Variants in ZNF705G observed in about 807,000 individuals in gnomAD.
ZNF705G encodes the protein putative zinc finger protein 705G.
Under a neutral mutation model 19.6 loss-of-function variants are expected in ZNF705G, and 23 were observed. The observed-to-expected ratio is 1.17, with a 90% CI of 0.84 to 1.66. The LOEUF (loss-of-function observed/expected upper bound fraction) is 1.66. ZNF705G is among the 40% of genes most tolerant of loss of function. The pLI is 0.00. For missense variants in ZNF705G, 457 were observed against 354.4 expected (o/e 1.29, Z -2.32); for synonymous variants, 146 against 117.7 (o/e 1.24, Z -1.56).
At chr8:7,369,927 C>T (rs1244728555) in intron 2 of ZNF705G, among the ~76,000 whole-genome samples, 1 of 149,208 alleles carries the variant, frequency 6.7e-6, no homozygotes, top group Non-Finnish European at 1.5e-5. Context: ...GAAAAACTAT[C>T]TATTGGGTAT....
In ZNF705G at chr8:7,359,657, G is replaced by C; in HGVS notation, c.280C>G (p.Pro94Ala). ...LKKTHMISMHPITRKDASTSM... is the reference protein window; with the variant it reads ...LKKTHMISMHAITRKDASTSM... ...GTGGATGCGTCTTTTCTGGTGATAG[G>C]ATGCATGGATATCATGTGTGTTTTC... Residue 94 changes from proline (P) to alanine (A), a missense_variant, in exon 6 of 7, where the codon CCT (proline) becomes GCT (alanine). Pro to Ala is a conservative substitution (Grantham distance 27). Transcript: ENST00000400156. 1 of 1,606,836 alleles carries C rather than the reference G, an allele frequency of 6.2e-7. No homozygotes were observed. Among genetic ancestry groups the C allele is most frequent in the Non-Finnish European group, 8.5e-7 (1 of 1,179,312 alleles).
chr8:7,365,804 T>C lies in ZNF705G; in HGVS notation c.-71-2787A>G, dbSNP rs1411828726. ...CCTTTCACGGCTATTTAGACACAAC[T>C]TAGTGAAGTATTAGGAATGCATTAT... is the stretch of plus-strand genomic sequence containing the variant. On this transcript the variant is annotated intron_variant, in intron 2 of 6. Transcript: ENST00000400156. Among the ~76,000 whole-genome samples the C allele has an allele frequency of 1.3e-5, 2 of 149,578 alleles. 1 individual carries two copies. The highest frequency in any genetic ancestry group is 5.1e-5 in the African/African-American group (2 of 38,960).
intron 2 of ZNF705G, among the ~76,000 whole-genome samples, chr8:7,370,886 A>G (rs1807071622): frequency 8.5e-6 from 1 of 117,376 alleles, no homozygotes; most frequent in Non-Finnish European, 1.7e-5. Context: ...TGCAGCCATA[A>G]AAAGGAATGA....
Position 7,360,707 on chromosome 8 carries a change from T to C in ZNF705G, c.140-375A>G, listed in dbSNP as rs570745119. ...AAAAACATTCGATTTACAAAAATAA[T>C]TGGTGTTCTATATGGAAAAGATATT... On this transcript the variant is annotated intron_variant, in intron 4 of 6. Coordinates refer to ENST00000400156, the MANE Select transcript of ZNF705G (RefSeq NM_001164457.3). Among the ~76,000 whole-genome samples the C allele has an allele frequency of 4.5e-4, 68 of 149,756 alleles. 8 individuals are homozygous for C. The highest frequency in any genetic ancestry group is 1.7e-3 in the African/African-American group (66 of 39,158).
intron 2 of ZNF705G, among the ~76,000 whole-genome samples, chr8:7,365,880 G>C (rs1391120417): frequency 6.7e-6 from 1 of 149,520 alleles, no homozygotes; most frequent in African/African-American, 2.6e-5. Context: ...CAGATCTTCA[G>C]TAAAAATAAC....
rs1370410787 is a variant in ZNF705G, at chr8:7,374,733, G to A, written c.-72+6719C>T. ...AGCCTTAGTGCTGTCCCTATCATCT[G>A]CTTCACTCGATCACTGGGTAATCTT... On this transcript the variant is annotated intron_variant, in intron 2 of 6. Coordinates refer to ENST00000400156, the MANE Select transcript of ZNF705G (RefSeq NM_001164457.3). Among the ~76,000 whole-genome samples, 9 of 88,020 alleles carry A rather than the reference G, an allele frequency of 1.0e-4. 2 individuals are homozygous for A. Among genetic ancestry groups the A allele is most frequent in the Non-Finnish European group, 2.0e-4 (9 of 46,004 alleles). 57.7% of individuals were successfully genotyped at this position (88,020 alleles called of 152,430 possible).
intron 2 of ZNF705G, among the ~76,000 whole-genome samples, chr8:7,365,797 A>G (rs1244110859): frequency 6.7e-6 from 1 of 149,626 alleles, no homozygotes; most frequent in African/African-American, 2.6e-5. Context: ...GGCTATTTAG[A>G]CACAACTTAG....
intron 1 of ZNF705G, among the ~76,000 whole-genome samples, chr8:7,384,282 C>T (rs1351160364): frequency 2.6e-4 from 38 of 144,218 alleles, no homozygotes; most frequent in Non-Finnish European, 2.9e-5. Flanking sequence ...CAACCTCCTA[C>T]TGTTTGTCTC....
At chr8:7,366,967 T>G (rs1806885512) in intron 2 of ZNF705G, among the ~76,000 whole-genome samples, 1 of 149,662 alleles carries the variant, frequency 6.7e-6, no homozygotes, top group Admixed American at 6.6e-5. Flanking sequence ...TTTAGTTATT[T>G]AATTATAATT....
At chr8:7,369,544 G>C (rs1296368512) in intron 2 of ZNF705G, among the ~76,000 whole-genome samples, 4 of 149,512 alleles carry the variant, frequency 2.7e-5, no homozygotes, top group Admixed American at 2.6e-4. Context: ...CATGGGGACT[G>C]ACCCTTGTAT....
At chr8:7,364,236 CAG>C (rs1424941153) in intron 2 of ZNF705G, among the ~76,000 whole-genome samples, 1 of 149,218 alleles carries the variant, frequency 6.7e-6, no homozygotes, top group Non-Finnish European at 1.5e-5. Flanking sequence ...GTGTTTGAGA[CAG>C]GGGGAAACAT....
chr8:7,365,831 A>T (rs1191811181), intron 2 of ZNF705G, among the ~76,000 whole-genome samples: 5 of 149,644 alleles, frequency 3.3e-5, no homozygotes, highest in Non-Finnish European at 7.4e-5. Flanking sequence ...ATGCATTATT[A>T]GGTCTTAAGT....
intron 2 of ZNF705G, among the ~76,000 whole-genome samples, chr8:7,368,149 A>G (rs950255229): frequency 1.3e-5 from 2 of 149,516 alleles, no homozygotes; most frequent in African/African-American, 5.1e-5. Flanking sequence ...ACATGCCCTG[A>G]TTGCACAGAC....
intron 4 of ZNF705G, 116 bp downstream of exon 4, chr8:7,360,994 T>A (rs1397865556): frequency 2.8e-5 from 44 of 1,566,440 alleles, no homozygotes; most frequent in Non-Finnish European, 3.5e-5. Context: ...TCAGATGAGA[T>A]CTGTGAGAGA....
In ZNF705G at chr8:7,374,843, C is replaced by CT. The variant is rs1483336150; in HGVS notation, c.-72+6608dup. 1.4e-4 allele frequency among the ~76,000 whole-genome samples: 12 copies of CT among 87,442 alleles called. 5 individuals carry two copies. The highest frequency in any genetic ancestry group is 2.6e-4 in the Non-Finnish European group (12 of 45,740). 57.4% of individuals were successfully genotyped at this position (87,442 alleles called of 152,430 possible). A position where few individuals can be genotyped will look rare whatever the true frequency, so the allele number is the denominator to read the frequency against. The stretch of plus-strand genomic sequence containing the variant: ...AAGACAGCCTATGTTCATTGTAACT[C>CT]TATCTTTTGTTCCTAAAGCAAATGG... On this transcript the variant is annotated intron_variant, in intron 2 of 6. Coordinates refer to ENST00000400156, the MANE Select transcript of ZNF705G (RefSeq NM_001164457.3).
At chr8:7,383,617 C>T (rs1358575648) in intron 1 of ZNF705G, among the ~76,000 whole-genome samples, 5 of 147,346 alleles carry the variant, frequency 3.4e-5, no homozygotes, top group Non-Finnish European at 7.4e-5. Flanking sequence ...TGTTGAAATG[C>T]CAACCCCCAA....
intron 1 of ZNF705G, among the ~76,000 whole-genome samples, chr8:7,382,943 C>T (rs1241332610): frequency 1.4e-5 from 2 of 147,514 alleles, no homozygotes; most frequent in African/African-American, 5.4e-5. Context: ...AGCCCTGCGG[C>T]CTTCTGAGTC....
rs1433388294 is a variant in ZNF705G, at chr8:7,371,255, T to C, written c.-71-8238A>G. ...TATGATTTCACTTGTATTTGAAATC[T>C]AAAATCGACAAACTCACAAAAGCAG... On this transcript the variant is annotated intron_variant, in intron 2 of 6. Transcript: ENST00000400156. Among the ~76,000 whole-genome samples, 45 of 102,954 alleles carry C rather than the reference T, an allele frequency of 4.4e-4. 2 individuals are homozygous for C. In the East Asian group the frequency reaches 5.6e-3, roughly 13 times the overall value. 67.5% of individuals were successfully genotyped at this position (102,954 alleles called of 152,430 possible). A position where few individuals can be genotyped will look rare whatever the true frequency, so the allele number is the denominator to read the frequency against.
In ZNF705G at chr8:7,379,442, G is replaced by A. The variant is rs374785947; in HGVS notation, c.-72+2010C>T. On this transcript the variant is annotated intron_variant, in intron 2 of 6. Transcript: ENST00000400156. Reference sequence around the variant, plus strand: ...TATTATCCTCTCATTGCTAGGAGGCGGTCTTCAAGATGGCTGACTAGAGGT... The same window carrying A: ...TATTATCCTCTCATTGCTAGGAGGCAGTCTTCAAGATGGCTGACTAGAGGT... Among the ~76,000 whole-genome samples, 29 of 147,236 alleles carry A rather than the reference G, an allele frequency of 2.0e-4. 5 individuals carry two copies. Among genetic ancestry groups the A allele is most frequent in the African/African-American group, 7.1e-4 (26 of 36,732 alleles).
Sources: gnomAD v4.1 joint callset for allele counts (sites outside exome capture counted in the v4.1 genomes callset) on GRCh38, gnomAD v4.1.1 for gene constraint, MANE v1.5 for transcripts, NCBI Gene and HGNC (gene_info 2026-07-23, HGNC 2026-07-21) for gene names.